Variants in NOX1 observed in about 807,000 individuals in gnomAD.
The protein encoded by NOX1 is NADPH oxidase 1, also known as NADH/NADPH mitogenic oxidase subunit P65-MOX.
NOX1 carries 34 observed loss-of-function variants against 42.5 expected under a neutral mutation model. That is an observed-to-expected ratio of 0.80 (90% CI 0.61 to 1.07). NOX1 has a LOEUF of 1.07. Among genes scored for constraint, NOX1 ranks in the 50% least tolerant of loss-of-function variants. NOX1 has a pLI of 0.00. For synonymous variants in NOX1, 143 were observed against 152.5 expected (o/e 0.94, Z 0.46); for missense variants, 408 against 427.0 (o/e 0.96, Z 0.39).
chrX:100,862,595 C>A, intron 5 of NOX1, 22 bp from the exon 6 acceptor site: 1 of 1,200,905 alleles, frequency 8.3e-7, no homozygotes, highest in South Asian at 1.8e-5. Flanking sequence ...GAAATGTCAG[C>A]CTGACACAAT....
chrX:100,870,442 A>G (rs191135241), intron 2 of NOX1, among the ~76,000 whole-genome samples: 332 of 111,477 alleles, frequency 3.0e-3, no homozygotes, highest in African/African-American at 0.011. Context: ...GGGTTATCAG[A>G]TTTATTTAAT....
At chrX:100,849,163 G>T in intron 11 of NOX1, 117 bp downstream of exon 11, 1 of 756,297 alleles carries the variant, frequency 1.3e-6, no homozygotes, top group Non-Finnish European at 1.9e-6. Flanking sequence ...AAACTTGTGT[G>T]TGAGTGTGAG....
chrX:100,849,392 G>T lies in NOX1; in HGVS notation c.1331C>A (p.Ala444Asp), dbSNP rs1333027527. 3 of 1,209,147 alleles carry T rather than the reference G, an allele frequency of 2.5e-6. No individual in the cohort carries two copies. Among genetic ancestry groups the T allele is most frequent in the Admixed American group, 4.4e-5 (2 of 45,760 alleles). ...CAACAGGTTGTTGAACCAGGAAAAG[G>T]CACCTGTCTCCCTGCAGATCCAGTA... ...YFYWICRETG[A>D]FSWFNNLLTS... is the part of the protein sequence containing the mutation. Residue 444 changes from alanine to aspartate, a missense_variant, in exon 11 of 13, where the codon GCC becomes GAC. By Grantham distance (126) the Ala-to-Asp change is moderately radical. Transcript: ENST00000372966.
intron 4 of NOX1, 65 bp from the exon 5 acceptor site, chrX:100,862,885 A>G: frequency 9.9e-7 from 1 of 1,013,123 alleles, no homozygotes; most frequent in South Asian, 2.0e-5. Context: ...GGTGTGCCCC[A>G]CTAGACTAGA....
At chrX:100,860,969 G>A (rs1418620705) in intron 7 of NOX1, among the ~76,000 whole-genome samples, 1 of 110,984 alleles carries the variant, frequency 9.0e-6, no homozygotes, top group East Asian at 2.8e-4. Flanking sequence ...AAACTCCTGG[G>A]CTCAAGCAAT....
chrX:100,862,179 G>C lies in NOX1; in HGVS notation c.796C>G (p.Pro266Ala). ...HCRRPKFEGH[P>A]PESWKWILAP... ...GCCCGTAGGGCTCTTACCTCAGGGG[G>C]ATGCCCTTCAAACTTAGGGCGCCTA... The change falls in exon 7 of 13, where the codon CCC becomes GCC. Residue 266 changes from proline (P) to alanine (A), a missense_variant. By Grantham distance (27) the Pro-to-Ala change is conservative. Transcript: ENST00000372966. 1 of 1,211,720 alleles carries C rather than the reference G, an allele frequency of 8.3e-7. No individual in the cohort carries two copies. Among genetic ancestry groups the C allele is most frequent in the Non-Finnish European group, 1.1e-6 (1 of 895,285 alleles).
At chrX:100,860,264 A>G (rs1165368080) in intron 7 of NOX1, among the ~76,000 whole-genome samples, 1 of 111,978 alleles carries the variant, frequency 8.9e-6, no homozygotes, top group Non-Finnish European at 1.9e-5. Context: ...TTTTCTATTC[A>G]ACAATGCTGT....
Position 100,855,284 on chromosome X carries a change from C to G in NOX1, c.805-3959G>C, listed in dbSNP as rs752119242. ...CTCCTCTCCTGCTAAGCTTTGATTC[C>G]CAATTAACATCTTCTGCCACTGCCA... On this transcript the variant is annotated intron_variant, in intron 7 of 12. Transcript: ENST00000372966. The G allele has an allele frequency of 5.8e-5, 33 of 570,959 alleles. No homozygotes were observed. The South Asian group carries it at 6.9e-4, about 12-fold the overall frequency. The allele number at this position is 570,959 out of a possible 1,213,427, so 47.1% of individuals were successfully genotyped here.
chrX:100,868,264 T>A (rs1017544745), intron 2 of NOX1, among the ~76,000 whole-genome samples: 1 of 112,044 alleles, frequency 8.9e-6, no homozygotes. Flanking sequence ...GAAAAAAGCA[T>A]TTTTTAAAAG....
At position 100,863,606 on chromosome X, in the gene NOX1, G is replaced by A. The variant is rs2085220938; in HGVS notation, c.142-11C>T. Reference sequence around the variant, plus strand: ...ACAGGCCAATGTTGACTACAGCAGAGGAGAAAAAGAGACCATCAGCTGCTT... The same window carrying A: ...ACAGGCCAATGTTGACTACAGCAGAAGAGAAAAAGAGACCATCAGCTGCTT... On this transcript the variant is annotated splice_polypyrimidine_tract_variant and intron_variant, in intron 2 of 12. Transcript: ENST00000372966. 3.3e-6 allele frequency: 4 copies of A among 1,201,199 alleles called. No individual in the cohort carries two copies. The highest frequency in any genetic ancestry group is 4.6e-4 in the Middle Eastern group (2 of 4,307).
At chrX:100,851,397 C>A (rs1483477186) in intron 7 of NOX1, 72 bp from the exon 8 acceptor site, 2 of 527,617 alleles carry the variant, frequency 3.8e-6, no homozygotes, top group Non-Finnish European at 5.9e-6. Flanking sequence ...TGTAGCAGTT[C>A]ATCCTTCATT....
chrX:100,849,395 C>G lies in NOX1; in HGVS notation c.1328G>C (p.Gly443Ala), dbSNP rs182550712. 1.7e-6 allele frequency: 2 copies of G among 1,209,375 alleles called. No individual in the cohort carries two copies. Among genetic ancestry groups the G allele is most frequent in the African/African-American group, 3.5e-5 (2 of 57,348 alleles). ...CAGGTTGTTGAACCAGGAAAAGGCA[C>G]CTGTCTCCCTGCAGATCCAGTAGAA... Reference protein sequence around the residue: ...IYFYWICRETGAFSWFNNLLT... With the variant: ...IYFYWICRETAAFSWFNNLLT... Residue 443 changes from glycine to alanine, a missense_variant, in exon 11 of 13, where the codon GGT becomes GCT. Coordinates refer to ENST00000372966, the MANE Select transcript of NOX1 (RefSeq NM_007052.5).
At chrX:100,865,255 C>G (rs1335770425) in intron 2 of NOX1, among the ~76,000 whole-genome samples, 1 of 112,482 alleles carries the variant, frequency 8.9e-6, no homozygotes, top group Non-Finnish European at 1.9e-5. Flanking sequence ...CACATTGGTT[C>G]CCACTACTTG....
chrX:100,869,203 C>T (rs1377476206), intron 2 of NOX1, among the ~76,000 whole-genome samples: 1 of 111,189 alleles, frequency 9.0e-6, no homozygotes, highest in Non-Finnish European at 1.9e-5. Context: ...TGAAGAAAGG[C>T]ATTGGTAGCT....
At position 100,870,700 on chromosome X, in the gene NOX1, T is replaced by C; in HGVS notation, c.141+19A>G. The stretch of plus-strand genomic sequence containing the variant: ...AGGAAAACAATAGAGATTCTATCCG[T>C]GACAACCGTGATACTCACCCCAAGG... On this transcript the variant is annotated intron_variant, in intron 2 of 12. Transcript: ENST00000372966. 1.0e-6 allele frequency: 1 copy of C among 982,805 alleles called. No individual in the cohort carries two copies. Among genetic ancestry groups the C allele is most frequent in the East Asian group, 3.1e-5 (1 of 32,680 alleles). 81.0% of individuals were successfully genotyped at this position (982,805 alleles called of 1,213,427 possible).
intron 7 of NOX1, among the ~76,000 whole-genome samples, chrX:100,861,554 A>G (rs1391374254): frequency 8.9e-6 from 1 of 111,869 alleles, no homozygotes; most frequent in African/African-American, 3.2e-5. Flanking sequence ...ACACAGTTTC[A>G]TAATCACCCA....
At chrX:100,864,195 G>T (rs1251981338) in intron 2 of NOX1, among the ~76,000 whole-genome samples, 1 of 111,415 alleles carries the variant, frequency 9.0e-6, no homozygotes, top group African/African-American at 3.3e-5. Flanking sequence ...TTGCCATGTT[G>T]CCCAGGCTGG....
At chrX:100,859,346 G>A (rs765671424) in intron 7 of NOX1, among the ~76,000 whole-genome samples, 8 of 111,853 alleles carry the variant, frequency 7.2e-5, no homozygotes, top group Non-Finnish European at 1.1e-4. Flanking sequence ...GTATTTTGTC[G>A]AGGATTTTTT....
intron 7 of NOX1, among the ~76,000 whole-genome samples, chrX:100,861,234 A>G (rs768417999): frequency 9.8e-5 from 11 of 111,713 alleles, no homozygotes; most frequent in Admixed American, 1.9e-4. Flanking sequence ...ATGAAGATAT[A>G]GCTTTTTTCC....
Sources: gnomAD v4.1 joint callset for allele counts (sites outside exome capture counted in the v4.1 genomes callset) on GRCh38, gnomAD v4.1.1 for gene constraint, MANE v1.5 for transcripts, NCBI Gene and HGNC (gene_info 2026-07-23, HGNC 2026-07-21) for gene names.